Variants in RFTN2 observed in about 807,000 individuals in gnomAD.
RFTN2 encodes the protein raftlin-2.
A neutral mutation model predicts 52.7 loss-of-function variants in RFTN2; 34 were observed. The ratio of observed to expected loss-of-function variants is 0.64; its 90% confidence interval spans 0.49 to 0.86. RFTN2 has a LOEUF of 0.86. Ranked by LOEUF, RFTN2 falls within the 40% of genes least tolerant of loss-of-function variation. The pLI is 0.00. For missense variants in RFTN2, 536 were observed against 600.1 expected, an observed-to-expected ratio of 0.89 and a Z score of 1.12; for synonymous variants, 203 against 217.7, an observed-to-expected ratio of 0.93 and a Z score of 0.59.
At chr2:197,646,452 C>T (rs777003177) in intron 2 of RFTN2, 31 bp downstream of exon 2, 5 of 1,571,612 alleles carry the variant, frequency 3.2e-6, no homozygotes, top group Non-Finnish European at 4.3e-6. Context: ...CTGTCACCCT[C>T]ACCTGCCTCT....
Position 197,633,855 on chromosome 2 carries a change from C to G in RFTN2, c.581G>C (p.Cys194Ser), listed in dbSNP as rs774980009. Residue 194 changes from cysteine to serine, a missense_variant, in exon 4 of 9, where the codon TGT becomes TCT. Transcript: ENST00000295049. Reference protein sequence around the residue: ...LHVRHGSDENCRSWNEGTLSG... With the variant: ...LHVRHGSDENSRSWNEGTLSG... ...TAACGTCCCTTCATTCCAACTTCTACAGTTTTCATCTGAACCGTGTCTCAC... is the reference window on the plus strand; with the variant it reads ...TAACGTCCCTTCATTCCAACTTCTAGAGTTTTCATCTGAACCGTGTCTCAC... The G allele has an allele frequency of 1.2e-6, 2 of 1,613,830 alleles. No homozygotes were observed. The highest frequency in any genetic ancestry group is 8.5e-7 in the Non-Finnish European group (1 of 1,179,902).
At position 197,572,260 on chromosome 2, in the gene RFTN2, T is replaced by A. The variant is rs2087331233; in HGVS notation, c.1254A>T (p.Ile418=). The change falls in exon 9 of 9, where the codon ATA becomes ATT. Residue 418 remains isoleucine, a synonymous_variant. Coordinates refer to ENST00000295049, the MANE Select transcript of RFTN2 (RefSeq NM_144629.3). ...QTPDKKASRH[I]KGEDKNKATS... is the part of the protein sequence containing the mutation. ...TGGCTTTATTCTTGTCTTCACCTTTTATGTGGCGGCTGGCTTTCTTCTGAA... is the reference window on the plus strand; with the variant it reads ...TGGCTTTATTCTTGTCTTCACCTTTAATGTGGCGGCTGGCTTTCTTCTGAA... 6 of 1,613,752 alleles carry A rather than the reference T, an allele frequency of 3.7e-6. No individual in the cohort carries two copies. Among genetic ancestry groups the A allele is most frequent in the Non-Finnish European group, 5.1e-6 (6 of 1,179,674 alleles).
At chr2:197,606,256 G>A (rs1251914315) in intron 7 of RFTN2, among the ~76,000 whole-genome samples, 1 of 152,174 alleles carries the variant, frequency 6.6e-6, no homozygotes, top group Non-Finnish European at 1.5e-5. Context: ...TCTCAAAGCA[G>A]AGTATGAGTT....
At chr2:197,594,190 A>G (rs1303630965) in intron 8 of RFTN2, among the ~76,000 whole-genome samples, 1 of 147,276 alleles carries the variant, frequency 6.8e-6, no homozygotes, top group East Asian at 2.1e-4. Context: ...TAATTTTTGT[A>G]TTTTTAGTAG....
chr2:197,611,705 G>C (rs1285792416), intron 7 of RFTN2, among the ~76,000 whole-genome samples: 2 of 152,118 alleles, frequency 1.3e-5, no homozygotes, highest in Non-Finnish European at 2.9e-5. Context: ...TGTGATGTTA[G>C]AGTGCCAATT....
chr2:197,614,977 T>C (rs568106972), intron 7 of RFTN2, among the ~76,000 whole-genome samples: 1 of 152,212 alleles, frequency 6.6e-6, no homozygotes, highest in South Asian at 2.1e-4. Context: ...TTCTTTAAAC[T>C]TGAGTTTCTT....
intron 5 of RFTN2, among the ~76,000 whole-genome samples, chr2:197,618,936 C>T (rs981640114): frequency 7.2e-5 from 11 of 152,046 alleles, no homozygotes; most frequent in African/African-American, 2.7e-4. Flanking sequence ...CCGGCAGCCA[C>T]CTCGTCCGGG....
chr2:197,634,683 T>C (rs901986699), intron 3 of RFTN2, among the ~76,000 whole-genome samples: 11 of 147,342 alleles, frequency 7.5e-5, no homozygotes, highest in Non-Finnish European at 1.3e-4. Context: ...TTAAGAATGC[T>C]TATTTTTTAT....
intron 7 of RFTN2, among the ~76,000 whole-genome samples, chr2:197,602,139 C>T: frequency 6.6e-6 from 1 of 152,070 alleles, no homozygotes; most frequent in East Asian, 1.9e-4. Context: ...GATCTTGGCT[C>T]ACCGCAACCC....
intron 5 of RFTN2, among the ~76,000 whole-genome samples, chr2:197,620,619 T>C (rs2088247841): frequency 6.6e-6 from 1 of 152,234 alleles, no homozygotes; most frequent in Admixed American, 6.5e-5. Flanking sequence ...TTTGACATAA[T>C]TCATGGTTAG....
intron 1 of RFTN2, among the ~76,000 whole-genome samples, chr2:197,654,182 G>GT (rs762295908): frequency 1.5e-4 from 23 of 152,230 alleles, no homozygotes; most frequent in Admixed American, 9.2e-4. Context: ...GAGGCCAGGA[G>GT]TTTGAGACGA....
At chr2:197,617,722 A>G in intron 6 of RFTN2, 78 bp downstream of exon 6, 1 of 584,430 alleles carries the variant, frequency 1.7e-6, no homozygotes, top group Non-Finnish European at 2.3e-6. Context: ...CAAATGAAAA[A>G]CCCAAACCAA....
rs916709311 is a variant in RFTN2, at chr2:197,632,607, C to A, written c.718+1111G>T. On this transcript the variant is annotated intron_variant, in intron 4 of 8. Coordinates refer to ENST00000295049, the MANE Select transcript of RFTN2 (RefSeq NM_144629.3). Reference sequence around the variant, plus strand: ...TTTGCAGCATGAGAACAGACTAATACACATTCCTATACTTTTTACATTGCA... The same window carrying A: ...TTTGCAGCATGAGAACAGACTAATAAACATTCCTATACTTTTTACATTGCA... Among the ~76,000 whole-genome samples, 4 of 152,172 alleles carry A rather than the reference C, an allele frequency of 2.6e-5. No homozygotes were observed. In the South Asian group the frequency reaches 6.2e-4, roughly 24 times the overall value.
chr2:197,657,130 C>T (rs2088905996), intron 1 of RFTN2, among the ~76,000 whole-genome samples: 1 of 152,174 alleles, frequency 6.6e-6, no homozygotes, highest in South Asian at 2.1e-4. Context: ...TCCCAAAGGG[C>T]TGGGGTTACA....
intron 7 of RFTN2, among the ~76,000 whole-genome samples, chr2:197,596,343 C>T (rs1212825281): frequency 6.6e-6 from 1 of 152,128 alleles, no homozygotes; most frequent in Non-Finnish European, 1.5e-5. Flanking sequence ...TGTAATCTCA[C>T]CAAGCTAACA....
chr2:197,618,763 C>G (rs2088197143), intron 5 of RFTN2, among the ~76,000 whole-genome samples: 1 of 151,258 alleles, frequency 6.6e-6, no homozygotes, highest in South Asian at 2.1e-4. Context: ...TGAGGAGCGT[C>G]TCTGCCCGGA....
chr2:197,660,587 CTT>C (rs1324442280), intron 1 of RFTN2, among the ~76,000 whole-genome samples: 2 of 144,886 alleles, frequency 1.4e-5, no homozygotes, highest in Admixed American at 6.9e-5. Context: ...TTTTCTTTTT[CTT>C]TTTTTTTTTG....
intron 8 of RFTN2, among the ~76,000 whole-genome samples, chr2:197,574,552 T>G (rs890662858): frequency 6.6e-6 from 1 of 152,170 alleles, no homozygotes; most frequent in Non-Finnish European, 1.5e-5. Flanking sequence ...GACTGTGGAC[T>G]TTTGAGTTAA....
intron 7 of RFTN2, among the ~76,000 whole-genome samples, chr2:197,606,482 AT>A (rs2087963627): frequency 6.6e-6 from 1 of 152,178 alleles, no homozygotes; most frequent in South Asian, 2.1e-4. Context: ...TTCATTTGGG[AT>A]CTAATTAAAC....
Sources: allele counts gnomAD v4.1 joint callset (sites outside exome capture counted in the v4.1 genomes callset), GRCh38; gene constraint gnomAD v4.1.1; transcripts MANE v1.5; gene names NCBI Gene and HGNC (gene_info 2026-07-23, HGNC 2026-07-21).